Variants in ZNF184 observed in about 807,000 individuals in gnomAD.
ZNF184 encodes the protein zinc finger protein 184 (Kruppel-like).
A neutral mutation model predicts 54.4 loss-of-function variants in ZNF184; 16 were observed. The observed-to-expected ratio is 0.29, with a 90% CI of 0.20 to 0.45. The LOEUF (loss-of-function observed/expected upper bound fraction) is 0.45, where lower values mean the gene tolerates loss of function less well. Ranked by LOEUF, ZNF184 falls within the 20% of genes least tolerant of loss-of-function variation. ZNF184 has a pLI of 1.00. For synonymous variants in ZNF184, 254 were observed against 295.3 expected, an observed-to-expected ratio of 0.86 and a Z score of 1.43; for missense variants, 681 against 888.2, an observed-to-expected ratio of 0.77 and a Z score of 2.97.
At chr6:27,422,433 T>G in the ZNF184 span, among the ~76,000 whole-genome samples, 178 of 152,172 alleles carry the variant, frequency 1.2e-3, 2 homozygotes, top group Middle Eastern at 0.017. Flanking sequence ...GATTTCTTCT[T>G]CCCTTTAACC....
the ZNF184 span, among the ~76,000 whole-genome samples, chr6:27,437,927 T>C: frequency 6.6e-6 from 1 of 152,174 alleles, no homozygotes; most frequent in Non-Finnish European, 1.5e-5. Context: ...TATTCCTAGG[T>C]AGTTAGGTCA....
intron 3 of ZNF184, among the ~76,000 whole-genome samples, chr6:27,465,481 T>C (rs576903378): frequency 1.6e-4 from 4 of 25,138 alleles, no homozygotes; most frequent in South Asian, 1.8e-3. Flanking sequence ...AGAGACTCCA[T>C]CTCAAAAAAA....
intron 5 of ZNF184, among the ~76,000 whole-genome samples, chr6:27,455,841 C>G (rs1762840491): frequency 6.6e-6 from 1 of 152,128 alleles, no homozygotes; most frequent in African/African-American, 2.4e-5. Flanking sequence ...TATCGCTTAC[C>G]TAGAATGACT....
chr6:27,411,671 A>C, the ZNF184 span, among the ~76,000 whole-genome samples: 1 of 152,244 alleles, frequency 6.6e-6, no homozygotes, highest in African/African-American at 2.4e-5. Flanking sequence ...GAGAAGTCAG[A>C]CCTATTTTGA....
chr6:27,462,389 G>A (rs573809369), intron 3 of ZNF184, among the ~76,000 whole-genome samples: 4 of 151,740 alleles, frequency 2.6e-5, no homozygotes, highest in Admixed American at 6.6e-5. Context: ...TAGTAGAGAC[G>A]GGGTTTCACT....
At chr6:27,426,852 A>G in the ZNF184 span, among the ~76,000 whole-genome samples, 337 of 152,254 alleles carry the variant, frequency 2.2e-3, 7 homozygotes, top group Non-Finnish European at 9.9e-4. The surrounding 1 kb of genome is among the most constrained non-coding windows in gnomAD (Gnocchi z 4.2). Context: ...GGAAAATTAA[A>G]ACTACACTGA....
At chr6:27,468,811 C>T (rs1763204299) in intron 2 of ZNF184, among the ~76,000 whole-genome samples, 1 of 152,152 alleles carries the variant, frequency 6.6e-6, no homozygotes, top group South Asian at 2.1e-4. Flanking sequence ...TAAAAACCAA[C>T]CAAACTGATC....
chr6:27,413,142 C>T, the ZNF184 span, among the ~76,000 whole-genome samples: 1 of 152,184 alleles, frequency 6.6e-6, no homozygotes, highest in South Asian at 2.1e-4. Flanking sequence ...CCTGTAATCC[C>T]AGCTACTCAG....
chr6:27,452,244 T>G lies in ZNF184; in HGVS notation c.1315A>C (p.Thr439Pro), dbSNP rs764045393. 1 of 1,614,116 alleles carries G rather than the reference T, an allele frequency of 6.2e-7. No homozygotes were observed. Among genetic ancestry groups the G allele is most frequent in the South Asian group, 1.1e-5 (1 of 91,068 alleles). Residue 439 changes from threonine to proline, a missense_variant, in exon 6 of 6, where the codon ACT becomes CCT. Coordinates refer to ENST00000683788, the MANE Select transcript of ZNF184 (RefSeq NM_001318891.2). The surrounding 1 kb of genome is among the most constrained non-coding windows in gnomAD (Gnocchi z 5.5). ...TCATAGGGTTTCTCCCCAGTATGAG[T>G]TTTTTGATGCTGAGTGAGGTTTGAG... ...QHSNLTQHQKTHTGEKPYDCA... is the reference protein window; with the variant it reads ...QHSNLTQHQKPHTGEKPYDCA...
At position 27,452,237 on chromosome 6, in the gene ZNF184, G is replaced by T; in HGVS notation, c.1322C>A (p.Thr441Asn). Residue 441 changes from threonine to asparagine, a missense_variant, in exon 6 of 6, where the codon ACT becomes AAT. Coordinates refer to ENST00000683788, the MANE Select transcript of ZNF184 (RefSeq NM_001318891.2). The surrounding 1 kb of genome is among the most constrained non-coding windows in gnomAD (Gnocchi z 5.5). ...TGCACAATCATAGGGTTTCTCCCCA[G>T]TATGAGTTTTTTGATGCTGAGTGAG... is the stretch of plus-strand genomic sequence containing the variant. ...SNLTQHQKTH[T>N]GEKPYDCAEC... 1 of 1,614,154 alleles carries T rather than the reference G, an allele frequency of 6.2e-7. No homozygotes were observed. Among genetic ancestry groups the T allele is most frequent in the South Asian group, 1.1e-5 (1 of 91,066 alleles).
At chr6:27,468,990 T>C (rs1309401670) in intron 2 of ZNF184, among the ~76,000 whole-genome samples, 1 of 152,186 alleles carries the variant, frequency 6.6e-6, no homozygotes, top group Non-Finnish European at 1.5e-5. Context: ...CTTTACTGTA[T>C]ATAACTTATA....
Position 27,452,965 on chromosome 6 carries a change from T to C in ZNF184, c.594A>G (p.Pro198=). ...TTTTAGTAGAGGTCTCTTCTGGAGATGGTTCTTGTGTTACAAGGTTTGAAC... is the reference window on the plus strand; with the variant it reads ...TTTTAGTAGAGGTCTCTTCTGGAGACGGTTCTTGTGTTACAAGGTTTGAAC... The part of the protein sequence containing the change: ...NVSSNLVTQE[P]SPEETSTKRS... The change falls in exon 6 of 6, where the codon CCA becomes CCG. Residue 198 remains proline, a synonymous_variant. Transcript: ENST00000683788. The surrounding 1 kb of genome is among the most constrained non-coding windows in gnomAD (Gnocchi z 5.5). The C allele has an allele frequency of 6.2e-6, 10 of 1,614,206 alleles. No individual in the cohort carries two copies. Among genetic ancestry groups the C allele is most frequent in the Non-Finnish European group, 8.5e-6 (10 of 1,180,028 alleles).
the ZNF184 span, among the ~76,000 whole-genome samples, chr6:27,431,053 G>T: frequency 1.3e-5 from 2 of 151,484 alleles, no homozygotes; most frequent in Non-Finnish European, 2.9e-5. Flanking sequence ...AGAAAATAAA[G>T]GCACAAACAA....
the ZNF184 span, among the ~76,000 whole-genome samples, chr6:27,432,094 C>T: frequency 1.3e-5 from 2 of 152,084 alleles, no homozygotes; most frequent in Non-Finnish European, 2.9e-5. The surrounding 1 kb of genome is among the most constrained non-coding windows in gnomAD (Gnocchi z 4.0). Flanking sequence ...GTTTGAACAA[C>T]TCCCACCCCC....
At chr6:27,413,520 C>T in the ZNF184 span, among the ~76,000 whole-genome samples, 1 of 152,120 alleles carries the variant, frequency 6.6e-6, no homozygotes, top group Non-Finnish European at 1.5e-5. Flanking sequence ...GCTCATTGTT[C>T]AGGTTTAACA....
At chr6:27,464,687 C>T (rs1763078464) in intron 3 of ZNF184, among the ~76,000 whole-genome samples, 2 of 152,008 alleles carry the variant, frequency 1.3e-5, no homozygotes, top group Non-Finnish European at 2.9e-5. Flanking sequence ...ATGGTCTAAA[C>T]ACCCCAAGAA....
chr6:27,458,538 T>A, intron 3 of ZNF184, among the ~76,000 whole-genome samples: 1 of 149,232 alleles, frequency 6.7e-6, no homozygotes. Flanking sequence ...TAAATGCAAA[T>A]CAAAACCATA....
the ZNF184 span, among the ~76,000 whole-genome samples, chr6:27,422,148 A>AAAAAAAG: frequency 0.04 from 1,728 of 43,060 alleles, 74 homozygotes; most frequent in Non-Finnish European, 0.048. Context: ...CTCAAAAAAA[A>AAAAAAAG]AAAGAAAGAA....
rs1762878152 is a variant in ZNF184, at chr6:27,457,204, A to C, written c.202+79T>G. The C allele has an allele frequency of 4.6e-6, 7 of 1,531,758 alleles. No individual in the cohort carries two copies. In the South Asian group the frequency reaches 9.0e-5, roughly 20 times the overall value. 94.9% of individuals were successfully genotyped at this position (1,531,758 alleles called of 1,614,324 possible). On this transcript the variant is annotated intron_variant, in intron 4 of 5. Transcript: ENST00000683788. ...TAGAAATGGTTGGTTACTAAACTTA[A>C]AGGCAAACTCCCCTGAGCACAAGAG...
Sources: gnomAD v4.1 joint callset for allele counts (sites outside exome capture counted in the v4.1 genomes callset) on GRCh38, gnomAD v4.1.1 for gene constraint, Gnocchi (gnomAD v3.1) non-coding constraint, MANE v1.5 for transcripts, NCBI Gene and HGNC (gene_info 2026-07-23, HGNC 2026-07-21) for gene names.